KIAA1755: variants seen among roughly 807,000 people sequenced by gnomAD.
KIAA1755 encodes the protein KIAA1755, also known as uncharacterized protein KIAA1755.
KIAA1755 carries 68 observed loss-of-function variants against 91.7 expected under a neutral mutation model. That is an observed-to-expected ratio of 0.74 (90% CI 0.61 to 0.91). KIAA1755 has a LOEUF of 0.91. Among genes scored for constraint, KIAA1755 ranks in the 40% least tolerant of loss-of-function variants. The probability of loss-of-function intolerance (pLI) is 0.00; values close to 1 mark genes in which losing one functional copy is unlikely to be tolerated. For missense variants in KIAA1755, 1,535 were observed against 1,494.4 expected (o/e 1.03, Z -0.45); for synonymous variants, 610 against 604.6 (o/e 1.01, Z -0.13).
intron 5 of KIAA1755, among the ~76,000 whole-genome samples, chr20:38,230,664 G>A (rs1476118129): frequency 6.6e-6 from 1 of 152,208 alleles, no homozygotes; most frequent in Non-Finnish European, 1.5e-5. Flanking sequence ...CGAGGTGGGT[G>A]GATCACCTGA....
Position 38,240,659 on chromosome 20 carries a change from AGT to A in KIAA1755, c.1470_1471del (p.Leu491ProfsTer16). 1 of 1,539,484 alleles carries A rather than the reference AGT, an allele frequency of 6.5e-7. No individual in the cohort carries two copies. Among genetic ancestry groups the A allele is most frequent in the Non-Finnish European group, 8.7e-7 (1 of 1,144,964 alleles). On this transcript the variant is annotated frameshift_variant, in exon 3 of 14. Transcript: ENST00000279024. LOFTEE classifies it high-confidence loss of function. The stretch of plus-strand genomic sequence containing the variant: ...GACTTTCCAGGGCCCATTGTGCTGG[AGT>A]GAGGCTTTCTCCGGGGTCACAGAGG...
intron 1 of KIAA1755, 27 bp downstream of exon 1, chr20:38,260,471 G>A (rs539153891): frequency 4.6e-6 from 7 of 1,508,986 alleles, no homozygotes; most frequent in Middle Eastern, 2.1e-4. Context: ...GGGGCAGAGC[G>A]AGGTGGTCCA....
intron 4 of KIAA1755, among the ~76,000 whole-genome samples, chr20:38,238,574 G>A (rs575267514): frequency 1.3e-5 from 2 of 152,216 alleles, no homozygotes; most frequent in South Asian, 2.1e-4. Flanking sequence ...CTGAACCAGG[G>A]GACTCATCTG....
chr20:38,225,560 G>A (rs958615411), intron 8 of KIAA1755, 105 bp downstream of exon 8: 43 of 817,340 alleles, frequency 5.3e-5, no homozygotes, highest in East Asian at 2.9e-4. Context: ...TTGAGTGACC[G>A]TTTATTTTTT....
rs1449012696 is a variant in KIAA1755 at position 38,228,676 on chromosome 20, GT to G, written c.1872-437del. 3.9e-5 allele frequency among the ~76,000 whole-genome samples: 6 copies of G among 152,276 alleles called. No homozygotes were observed. In the East Asian group the frequency reaches 7.7e-4, roughly 20 times the overall value. ...ACGTAATTCCTCTGGCCAGTGATTG[GT>G]TTAGATGGGGAGGGTCATGTGACAT... On this transcript the variant is annotated intron_variant, in intron 5 of 13. Coordinates refer to ENST00000279024, the MANE Select transcript of KIAA1755 (RefSeq NM_001029864.2).
chr20:38,223,558 C>G lies in KIAA1755; in HGVS notation c.2248G>C (p.Asp750His), dbSNP rs768672282. 2 of 1,597,276 alleles carry G rather than the reference C, an allele frequency of 1.3e-6. No individual in the cohort carries two copies. The highest frequency in any genetic ancestry group is 4.6e-5 in the East Asian group (2 of 43,138). The change falls in exon 9 of 14, where the codon GAC (aspartate) becomes CAC (histidine). Residue 750 changes from aspartate (D) to histidine (H), a missense_variant. Coordinates refer to ENST00000279024, the MANE Select transcript of KIAA1755 (RefSeq NM_001029864.2). ...CTCACCTGCATCCCCCCAGGGGGGT[C>G]GGCCTTCTCGAATTCCTCGATGGAA... ...QASIEEFEKA[D>H]PPGGMQEATR...
chr20:38,252,698 C>G (rs1020093196), intron 1 of KIAA1755, among the ~76,000 whole-genome samples: 3 of 152,186 alleles, frequency 2.0e-5, no homozygotes, highest in African/African-American at 4.8e-5. Context: ...GCTCAGAGAC[C>G]GGGACACCCT....
intron 8 of KIAA1755, among the ~76,000 whole-genome samples, chr20:38,223,903 C>T (rs113520227): frequency 6.6e-5 from 10 of 152,230 alleles, no homozygotes; most frequent in African/African-American, 2.2e-4. Flanking sequence ...GGGAACCACA[C>T]TTTGAGAACC....
chr20:38,223,113 G>T (rs756363706), intron 9 of KIAA1755: 24 of 198,632 alleles, frequency 1.2e-4, no homozygotes, highest in Middle Eastern at 2.1e-3. Context: ...GCCTTCACAT[G>T]TGTTTGCCCC....
chr20:38,212,849 A>C lies in KIAA1755; in HGVS notation c.*193T>G, dbSNP rs1053932. 2 of 528,614 alleles carry C rather than the reference A, an allele frequency of 3.8e-6. No homozygotes were observed. The highest frequency in any genetic ancestry group is 6.7e-6 in the Non-Finnish European group (2 of 299,308). The allele number at this position is 528,614 out of a possible 1,614,324, so 32.7% of individuals were successfully genotyped here. A position where few individuals can be genotyped will look rare whatever the true frequency, so the allele number is the denominator to read the frequency against. On this transcript the variant is annotated 3_prime_UTR_variant, in exon 14 of 14. Transcript: ENST00000279024. ...CACTCTTGCTATTCTGCATGGGTGA[A>C]GATCGGGTCTTCCAGGAGTTTTCTG...
chr20:38,215,596 G>A (rs769897474), intron 13 of KIAA1755, among the ~76,000 whole-genome samples: 2 of 152,232 alleles, frequency 1.3e-5, no homozygotes, highest in African/African-American at 4.8e-5. Flanking sequence ...GCAAAGAGGG[G>A]ATGTGTGAGC....
chr20:38,223,834 G>A (rs150013802), intron 8 of KIAA1755, among the ~76,000 whole-genome samples, 198 bp from the exon 9 acceptor site: 179 of 152,324 alleles, frequency 1.2e-3, no homozygotes, highest in African/African-American at 4.0e-3. Flanking sequence ...TCTGGGGCGA[G>A]GCATGGTAGA....
chr20:38,222,372 G>C, intron 10 of KIAA1755, 77 bp downstream of exon 10: 1 of 1,487,610 alleles, frequency 6.7e-7, no homozygotes, highest in South Asian at 1.2e-5. Context: ...GTGTGCCCTA[G>C]GTGGTGTGGT....
intron 1 of KIAA1755, among the ~76,000 whole-genome samples, chr20:38,258,198 GCTTAGTTACTTT>G (rs1337016831): frequency 1.3e-5 from 2 of 152,078 alleles, no homozygotes; most frequent in African/African-American, 4.8e-5. Flanking sequence ...ACTGCGCCCG[GCTTAGTTACTTT>G]CTATTTATGA....
At chr20:38,242,910 G>T (rs2076093770) in intron 2 of KIAA1755, among the ~76,000 whole-genome samples, 1 of 152,136 alleles carries the variant, frequency 6.6e-6, no homozygotes, top group African/African-American at 2.4e-5. Context: ...ACTTTAAAAA[G>T]AAATTTTTTT....
At chr20:38,219,507 C>G in intron 11 of KIAA1755, 123 bp downstream of exon 11, 6 of 1,338,306 alleles carry the variant, frequency 4.5e-6, no homozygotes, top group Non-Finnish European at 6.1e-6. Context: ...TTTGAAGGAT[C>G]GCCAGCTTGG....
At chr20:38,260,303 G>C (rs949087913) in intron 1 of KIAA1755, 195 bp downstream of exon 1, 23 of 1,550,984 alleles carry the variant, frequency 1.5e-5, no homozygotes, top group Admixed American at 2.0e-5. Context: ...AGCCAGGAGA[G>C]GACGCGGCCA....
intron 1 of KIAA1755, among the ~76,000 whole-genome samples, chr20:38,259,965 C>G (rs1374070849): frequency 6.6e-6 from 1 of 152,134 alleles, no homozygotes; most frequent in Non-Finnish European, 1.5e-5. Context: ...ATGTGTATAT[C>G]TGACTTTCCA....
At chr20:38,236,713 T>G (rs2075966916) in intron 4 of KIAA1755, 1 of 152,238 alleles carries the variant, frequency 6.6e-6, no homozygotes, top group Non-Finnish European at 1.5e-5. Context: ...AATGACGACC[T>G]TGACAAGACG....
Sources: gnomAD v4.1 joint callset for allele counts (sites outside exome capture counted in the v4.1 genomes callset) on GRCh38, gnomAD v4.1.1 for gene constraint, MANE v1.5 for transcripts, NCBI Gene and HGNC (gene_info 2026-07-23, HGNC 2026-07-21) for gene names.